DGKI: variants seen among roughly 807,000 people sequenced by gnomAD.
DGKI encodes diacylglycerol kinase iota.
DGKI carries 55 observed loss-of-function variants against 147.5 expected under a neutral mutation model. The observed-to-expected ratio is 0.37, with a 90% CI of 0.30 to 0.47. The LOEUF is 0.47. Among genes scored for constraint, DGKI ranks in the 20% least tolerant of loss-of-function variants. DGKI has a pLI of 1.00. For missense variants in DGKI, 1,007 were observed against 1,323.8 expected, an observed-to-expected ratio of 0.76 and a Z score of 3.71; for synonymous variants, 469 against 477.1, an observed-to-expected ratio of 0.98 and a Z score of 0.22.
chr7:137,758,724 A>C (rs933479116), intron 1 of DGKI, among the ~76,000 whole-genome samples: 10 of 151,758 alleles, frequency 6.6e-5, no homozygotes, highest in African/African-American at 1.9e-4. Context: ...ATATATATAT[A>C]TCTCAGTCTG....
intron 23 of DGKI, among the ~76,000 whole-genome samples, chr7:137,471,663 C>A (rs1311063938): frequency 6.6e-6 from 1 of 151,872 alleles, no homozygotes; most frequent in Admixed American, 6.6e-5. Flanking sequence ...AGTTACCGAA[C>A]AAAAGGATGC....
At chr7:137,513,100 C>A (rs1390648721) in intron 21 of DGKI, among the ~76,000 whole-genome samples, 3 of 152,172 alleles carry the variant, frequency 2.0e-5, no homozygotes, top group African/African-American at 7.2e-5. Flanking sequence ...TTCCAGAACA[C>A]TGATACTATC....
intron 10 of DGKI, among the ~76,000 whole-genome samples, chr7:137,605,702 T>C (rs968599675): frequency 6.6e-6 from 1 of 152,190 alleles, no homozygotes; most frequent in Non-Finnish European, 1.5e-5. Context: ...GAAATAAACC[T>C]GGCACAGAAA....
chr7:137,673,905 G>A (rs761662140), intron 3 of DGKI, among the ~76,000 whole-genome samples: 4 of 152,116 alleles, frequency 2.6e-5, no homozygotes, highest in African/African-American at 9.7e-5. Context: ...GGCTGTGCCC[G>A]CTAAACGGTG....
At chr7:137,558,936 C>T (rs1818317326) in intron 19 of DGKI, among the ~76,000 whole-genome samples, 1 of 130,734 alleles carries the variant, frequency 7.6e-6, no homozygotes, top group Non-Finnish European at 1.6e-5. Flanking sequence ...ATTGTCCACA[C>T]TAATAAATAT....
chr7:137,554,395 G>A (rs749560095), intron 19 of DGKI, among the ~76,000 whole-genome samples: 15 of 152,016 alleles, frequency 9.9e-5, no homozygotes, highest in African/African-American at 1.7e-4. Context: ...TGATTTATTC[G>A]TGACAGTCGC....
intron 10 of DGKI, among the ~76,000 whole-genome samples, chr7:137,604,170 CAAG>C (rs909462020): frequency 6.6e-6 from 1 of 152,122 alleles, no homozygotes; most frequent in Non-Finnish European, 1.5e-5. Flanking sequence ...GCTAGCTGGA[CAAG>C]AAGATGTTGA....
At chr7:137,615,555 G>A (rs1472754576) in intron 8 of DGKI, among the ~76,000 whole-genome samples, 1 of 151,682 alleles carries the variant, frequency 6.6e-6, no homozygotes, top group Non-Finnish European at 1.5e-5. Context: ...GTGTGTGTGT[G>A]TGTGTGTGTG....
rs141652612 is a variant in DGKI at position 137,387,777 on chromosome 7, T to C, written c.*3443A>G. The C allele has an allele frequency of 5.0e-3, 754 of 152,270 alleles. 4 individuals are homozygous for C. The highest frequency in any genetic ancestry group is 0.017 in the African/African-American group (690 of 41,556). 9.4% of individuals were successfully genotyped at this position (152,270 alleles called of 1,614,324 possible). On this transcript the variant is annotated 3_prime_UTR_variant, in exon 33 of 33. Coordinates refer to ENST00000614521, the MANE Select transcript of DGKI (RefSeq NM_001321708.2). ...ATTTTATAAAAAGCATGTGCCATTT[T>C]TATAATTTAAAAAAACCCCTAAATA... is the stretch of plus-strand genomic sequence containing the variant.
At chr7:137,725,550 G>A (rs1794693296) in intron 1 of DGKI, among the ~76,000 whole-genome samples, 1 of 151,376 alleles carries the variant, frequency 6.6e-6, no homozygotes, top group Admixed American at 6.6e-5. Flanking sequence ...AGAGAAGCTA[G>A]CAGAGGCATT....
intron 5 of DGKI, among the ~76,000 whole-genome samples, chr7:137,645,939 A>C (rs185072605): frequency 3.9e-5 from 6 of 152,310 alleles, no homozygotes; most frequent in Non-Finnish European, 4.4e-5. Context: ...TCCACTTCTC[A>C]TGCCCTCCCT....
intron 19 of DGKI, among the ~76,000 whole-genome samples, chr7:137,560,251 T>C (rs985162420): frequency 6.6e-6 from 1 of 152,192 alleles, no homozygotes; most frequent in Non-Finnish European, 1.5e-5. Context: ...TAAAAACAGA[T>C]GAATAGAAAT....
intron 5 of DGKI, among the ~76,000 whole-genome samples, chr7:137,650,919 A>C (rs752690076): frequency 6.6e-6 from 1 of 152,216 alleles, no homozygotes; most frequent in Non-Finnish European, 1.5e-5. Context: ...CAAATATCCA[A>C]AGGTGGGGAA....
At chr7:137,532,826 G>C (rs956491673) in intron 20 of DGKI, among the ~76,000 whole-genome samples, 1 of 151,978 alleles carries the variant, frequency 6.6e-6, no homozygotes, top group African/African-American at 2.4e-5. Flanking sequence ...CTTATTTCTT[G>C]GAAACATTCT....
At chr7:137,669,912 C>T (rs932538643) in intron 3 of DGKI, among the ~76,000 whole-genome samples, 2 of 152,016 alleles carry the variant, frequency 1.3e-5, no homozygotes, top group Admixed American at 1.3e-4. Flanking sequence ...ATTGTGTGAG[C>T]ATTTCTCAAA....
intron 11 of DGKI, among the ~76,000 whole-genome samples, 187 bp from the exon 12 acceptor site, chr7:137,598,094 G>A (rs975948785): frequency 6.6e-6 from 1 of 152,200 alleles, no homozygotes; most frequent in African/African-American, 2.4e-5. Context: ...AGTGGAACAG[G>A]TGTAGGCATC....
intron 1 of DGKI, among the ~76,000 whole-genome samples, chr7:137,707,186 A>T (rs1794063860): frequency 6.6e-6 from 1 of 152,140 alleles, no homozygotes; most frequent in African/African-American, 2.4e-5. Context: ...ATGGCTTTGA[A>T]TTAGGGAGTG....
chr7:137,689,916 G>T lies in DGKI; in HGVS notation c.488C>A (p.Pro163His), dbSNP rs1353629237. The T allele has an allele frequency of 6.2e-7, 1 of 1,601,366 alleles. No individual in the cohort carries two copies. The highest frequency in any genetic ancestry group is 8.5e-7 in the Non-Finnish European group (1 of 1,174,606). ...LPVANGPAKE[P>H]RATLDWSENA... is the part of the protein sequence containing the mutation. ...TACACTCCAGTCCAAAGTCGCTCTG[G>T]GCTCCTTGGCTGGACCATTTGCCAC... Residue 163 changes from proline to histidine, a missense_variant, in exon 2 of 33, where the codon CCC becomes CAC. Pro to His is a moderately conservative substitution (Grantham distance 77). Around this residue, in one of 5 missense-constraint regions of DGKI, gnomAD observed 259 missense variants for 362.5 expected, o/e 0.71. Coordinates refer to ENST00000614521, the MANE Select transcript of DGKI (RefSeq NM_001321708.2).
At chr7:137,756,471 T>C (rs1795686051) in intron 1 of DGKI, among the ~76,000 whole-genome samples, 1 of 152,212 alleles carries the variant, frequency 6.6e-6, no homozygotes. Flanking sequence ...TAATGATTTA[T>C]TAAAATCTTA....
Sources: gnomAD v4.1 joint callset for allele counts (sites outside exome capture counted in the v4.1 genomes callset) on GRCh38, gnomAD v4.1.1 for gene constraint, gnomAD v4.1.1 regional missense constraint, MANE v1.5 for transcripts, NCBI Gene and HGNC (gene_info 2026-07-23, HGNC 2026-07-21) for gene names.